Variants in TMEM53 observed in about 807,000 individuals in gnomAD.
The protein encoded by TMEM53 is novel DUF829 domain-containing protein.
Under a neutral mutation model 21.4 loss-of-function variants are expected in TMEM53, and 14 were observed. The observed-to-expected ratio is 0.65, with a 90% confidence interval of 0.43 to 1.02. The LOEUF is 1.02. Ranked by LOEUF, TMEM53 falls within the 50% of genes least tolerant of loss-of-function variation. TMEM53 has a pLI of 0.00. For missense variants in TMEM53, 323 were observed against 383.6 expected (o/e 0.84, Z 1.32); for synonymous variants, 148 against 157.4 (o/e 0.94, Z 0.45).
intron 2 of TMEM53, among the ~76,000 whole-genome samples, chr1:44,657,880 G>T (rs1285022978): frequency 7.0e-6 from 1 of 142,006 alleles, no homozygotes; most frequent in Non-Finnish European, 1.6e-5. Context: ...GTTTTGGGTT[G>T]GACTTTTTTT....
chr1:44,667,764 C>T (rs1644962175), intron 1 of TMEM53, among the ~76,000 whole-genome samples: 1 of 151,972 alleles, frequency 6.6e-6, no homozygotes, highest in African/African-American at 2.4e-5. Flanking sequence ...TCTCAAACAA[C>T]AGGGGAGGTG....
chr1:44,671,843 T>G (rs1374895453), intron 1 of TMEM53, among the ~76,000 whole-genome samples: 1 of 152,160 alleles, frequency 6.6e-6, no homozygotes, highest in Non-Finnish European at 1.5e-5. Flanking sequence ...ACAGGAGAAT[T>G]GCTTGAAGCC....
chr1:44,654,839 T>C lies in TMEM53; in HGVS notation c.554A>G (p.His185Arg), dbSNP rs1347584205. The change falls in exon 3 of 3, where the codon CAC becomes CGC. Residue 185 changes from histidine (H) to arginine (R), a missense_variant. Coordinates refer to ENST00000372237, the MANE Select transcript of TMEM53 (RefSeq NM_024587.4). This position sits in a 1 kb window ranked among gnomAD's most constrained non-coding sequence, Gnocchi z 7.0. ...GGCTGTGATGGGAGCAAGCAGGACG[T>C]GGAACAGGACGACCACCAGGGCAAA... Reference protein sequence around the residue: ...VAFALVVVLFHVLLAPITALF... With the variant: ...VAFALVVVLFRVLLAPITALF... The C allele has an allele frequency of 1.9e-6, 3 of 1,613,004 alleles. No individual in the cohort carries two copies. Among genetic ancestry groups the C allele is most frequent in the Admixed American group, 3.3e-5 (2 of 59,990 alleles).
intron 1 of TMEM53, among the ~76,000 whole-genome samples, chr1:44,670,169 T>TTAAAAAAAAAAAAAAA (rs1644986457): frequency 3.9e-5 from 4 of 103,814 alleles, no homozygotes; most frequent in Admixed American, 2.0e-4. Context: ...TCCTCTGTAT[T>TTAAAAAAAAAAAAAAA]AAAAAAAAAA....
rs200919923 is a variant in TMEM53, at chr1:44,671,928, C to CA, written c.61+2402dup. Among the ~76,000 whole-genome samples the CA allele has an allele frequency of 5.6e-4, 84 of 149,122 alleles. 1 individual carries two copies. Among genetic ancestry groups the CA allele is most frequent in the Non-Finnish European group, 1.0e-3 (67 of 67,118 alleles). ...TGGGCGACAGAGTTAGACTCCACCT[C>CA]AAAAAAAAAAGTTTTTAAAAAGTAA... is the stretch of plus-strand genomic sequence containing the variant. On this transcript the variant is annotated intron_variant, in intron 1 of 2. Coordinates refer to ENST00000372237, the MANE Select transcript of TMEM53 (RefSeq NM_024587.4).
intron 1 of TMEM53, among the ~76,000 whole-genome samples, chr1:44,665,696 C>CATG (rs1644943344): frequency 6.8e-6 from 1 of 147,950 alleles, no homozygotes. Context: ...GAAAGAAAAA[C>CATG]GTTAAATCAT....
At chr1:44,670,857 C>T (rs958890230) in intron 1 of TMEM53, among the ~76,000 whole-genome samples, 2 of 152,206 alleles carry the variant, frequency 1.3e-5, no homozygotes, top group African/African-American at 2.4e-5. Flanking sequence ...GAGAGCCACA[C>T]GGTGCCTTTA....
Position 44,654,959 on chromosome 1 carries a change from G to A in TMEM53, c.434C>T (p.Ala145Val). Reference protein sequence around the residue: ...LRVVGTIFDSAPGDSNLVGAL... With the variant: ...LRVVGTIFDSVPGDSNLVGAL... ...CCCTACCAGGTTGCTGTCACCAGGA[G>A]CGCTGTCAAAGATGGTGCCCACCAC... Residue 145 changes from alanine (A) to valine (V), a missense_variant, in exon 3 of 3, where the codon GCT becomes GTT. Physicochemically the swap from Ala to Val is moderately conservative, Grantham distance 64. Coordinates refer to ENST00000372237, the MANE Select transcript of TMEM53 (RefSeq NM_024587.4). The surrounding 1 kb of genome is among the most constrained non-coding windows in gnomAD (Gnocchi z 7.0). The A allele has an allele frequency of 6.2e-7, 1 of 1,613,894 alleles. No individual in the cohort carries two copies. Among genetic ancestry groups the A allele is most frequent in the Non-Finnish European group, 8.5e-7 (1 of 1,179,922 alleles).
At chr1:44,657,590 T>G (rs1644861718) in intron 2 of TMEM53, among the ~76,000 whole-genome samples, 1 of 152,142 alleles carries the variant, frequency 6.6e-6, no homozygotes, top group Non-Finnish European at 1.5e-5. Flanking sequence ...CAGGCTGGAG[T>G]GTAGTGGCAC....
chr1:44,659,860 T>C (rs2148531320), intron 2 of TMEM53, among the ~76,000 whole-genome samples: 1 of 146,790 alleles, frequency 6.8e-6, no homozygotes, highest in East Asian at 2.1e-4. Flanking sequence ...ACAGGCTTTT[T>C]TTTTTTTTTT....
At chr1:44,659,407 A>T (rs1237964328) in intron 2 of TMEM53, among the ~76,000 whole-genome samples, 1 of 152,182 alleles carries the variant, frequency 6.6e-6, no homozygotes, top group Non-Finnish European at 1.5e-5. Flanking sequence ...AAGATGTGAG[A>T]GAGGCTTCCA....
chr1:44,673,580 A>C (rs4660818), intron 1 of TMEM53, among the ~76,000 whole-genome samples: 67,373 of 152,086 alleles, frequency 0.44, 15,599 homozygotes, highest in African/African-American at 0.57. Flanking sequence ...TTTGTGGAGA[A>C]TCCTACATGT....
At chr1:44,658,464 C>T (rs1644869711) in intron 2 of TMEM53, among the ~76,000 whole-genome samples, 1 of 152,148 alleles carries the variant, frequency 6.6e-6, no homozygotes, top group African/African-American at 2.4e-5. Context: ...TCCTGACTAC[C>T]CTCTATCCCT....
intron 1 of TMEM53, among the ~76,000 whole-genome samples, chr1:44,663,392 C>CA (rs1442833298): frequency 5.9e-5 from 9 of 152,280 alleles, no homozygotes; most frequent in South Asian, 4.1e-4. Flanking sequence ...AGGTGCCCAC[C>CA]ACCACACCTG....
chr1:44,654,892 G>A lies in TMEM53; in HGVS notation c.501C>T (p.Ala167=). Residue 167 remains alanine (A), a synonymous_variant, in exon 3 of 3, where the codon GCC becomes GCT. Coordinates refer to ENST00000372237, the MANE Select transcript of TMEM53 (RefSeq NM_024587.4). This position sits in a 1 kb window ranked among gnomAD's most constrained non-coding sequence, Gnocchi z 7.0. The stretch of plus-strand genomic sequence containing the variant: ...CCACCAGCAGCAACAGGCGCAGCAT[G>A]GCGGCCCGGCGCTCCAGGATGGCTG... ...ALAAILERRA[A]MLRLLLLVAF... 1.9e-6 allele frequency: 3 copies of A among 1,612,472 alleles called. No individual in the cohort carries two copies. The highest frequency in any genetic ancestry group is 2.5e-6 in the Non-Finnish European group (3 of 1,179,670).
At chr1:44,664,425 C>T (rs928944523) in intron 1 of TMEM53, among the ~76,000 whole-genome samples, 1 of 150,296 alleles carries the variant, frequency 6.7e-6, no homozygotes, top group African/African-American at 2.5e-5. Context: ...GCACTCCAGC[C>T]TGGGCAACAA....
At chr1:44,660,149 G>A in intron 2 of TMEM53, 25 bp downstream of exon 2, 1 of 1,609,662 alleles carries the variant, frequency 6.2e-7, no homozygotes, top group Non-Finnish European at 8.5e-7. Flanking sequence ...CGGCAGCCCA[G>A]GGGAGAGGGC....
At chr1:44,669,827 TC>T (rs1270228447) in intron 1 of TMEM53, among the ~76,000 whole-genome samples, 2 of 150,162 alleles carry the variant, frequency 1.3e-5, no homozygotes, top group East Asian at 3.9e-4. Flanking sequence ...AGACGGAGTT[TC>T]GCTCTCGTTA....
chr1:44,660,711 G>A (rs549287552), intron 1 of TMEM53, among the ~76,000 whole-genome samples: 5 of 152,114 alleles, frequency 3.3e-5, no homozygotes, highest in South Asian at 2.1e-4. Flanking sequence ...TCGGCTGGGC[G>A]CGGTGGCTCA....
Sources: allele counts gnomAD v4.1 joint callset (sites outside exome capture counted in the v4.1 genomes callset), GRCh38; gene constraint gnomAD v4.1.1; non-coding constraint Gnocchi (gnomAD v3.1); transcripts MANE v1.5; gene names NCBI Gene and HGNC (gene_info 2026-07-23, HGNC 2026-07-21).